The following ANKRD11 variants were observed in gnomAD, a reference collection of about 807,000 sequenced individuals.
ANKRD11 encodes the protein ankyrin repeat domain 11.
Under a neutral mutation model 195.7 loss-of-function variants are expected in ANKRD11, and 17 were observed. The ratio of observed to expected loss-of-function variants is 0.09; its 90% CI spans 0.06 to 0.13. ANKRD11 has a LOEUF of 0.13. Ranked by LOEUF, ANKRD11 falls within the 10% of genes least tolerant of loss-of-function variation. The probability of loss-of-function intolerance (pLI) is 1.00; values close to 1 mark genes in which losing one functional copy is unlikely to be tolerated. For synonymous variants in ANKRD11, 1,953 were observed against 1,528.1 expected, an observed-to-expected ratio of 1.28 and a Z score of -6.49; for missense variants, 3,735 against 3,566.1, an observed-to-expected ratio of 1.05 and a Z score of -1.21.
chr16:89,442,933 G>A (rs2043590515), intron 1 of ANKRD11, among the ~76,000 whole-genome samples: 3 of 152,184 alleles, frequency 2.0e-5, no homozygotes, highest in African/African-American at 7.2e-5. Flanking sequence ...TCTTTCATTA[G>A]ACATAAGCAA....
chr16:89,306,649 A>G (rs145380554), intron 3 of ANKRD11, among the ~76,000 whole-genome samples: 145 of 36,482 alleles, frequency 4.0e-3, no homozygotes, highest in East Asian at 0.025. Context: ...GCAGACACGC[A>G]CCACCTCCCA....
chr16:89,311,980 C>T (rs1373987409), intron 3 of ANKRD11, among the ~76,000 whole-genome samples: 1 of 152,138 alleles, frequency 6.6e-6, no homozygotes, highest in Non-Finnish European at 1.5e-5. Context: ...TCACTGCAGC[C>T]CATGCCTCCC....
intron 1 of ANKRD11, among the ~76,000 whole-genome samples, chr16:89,439,041 A>G (rs1400006893): frequency 6.6e-6 from 1 of 151,886 alleles, no homozygotes; most frequent in Non-Finnish European, 1.5e-5. Flanking sequence ...TTTCTCTTAA[A>G]AAAAACAAAA....
Position 89,284,673 on chromosome 16 carries a change from G to A in ANKRD11, c.1869C>T (p.Asp623=), listed in dbSNP as rs2080975446. The A allele has an allele frequency of 6.2e-7, 1 of 1,613,840 alleles. No homozygotes were observed. Among genetic ancestry groups the A allele is most frequent in the Admixed American group, 1.7e-5 (1 of 59,998 alleles). Residue 623 remains aspartate, a synonymous_variant, in exon 9 of 13, where the codon GAC becomes GAT. Coordinates refer to ENST00000301030, the MANE Select transcript of ANKRD11 (RefSeq NM_013275.6). ...SSAEGAVPKL[D]KEGKVVKKHK... ...GTTTTTTGACAACTTTCCCCTCCTT[G>A]TCCAGTTTGGGGACAGCGCCCTCCG...
chr16:89,314,258 C>G (rs10454069), intron 3 of ANKRD11, among the ~76,000 whole-genome samples: 7,988 of 150,622 alleles, frequency 0.053, 233 homozygotes, highest in Middle Eastern at 0.1. Flanking sequence ...TGTCTCAAAA[C>G]AAACAAACAA....
chr16:89,397,325 G>A (rs1022738525), intron 2 of ANKRD11, among the ~76,000 whole-genome samples: 2 of 152,200 alleles, frequency 1.3e-5, no homozygotes, highest in East Asian at 1.9e-4. Context: ...CCAACTCCAC[G>A]GATTCCACCG....
chr16:89,442,935 C>T (rs2043590632), intron 1 of ANKRD11, among the ~76,000 whole-genome samples: 1 of 152,202 alleles, frequency 6.6e-6, no homozygotes, highest in African/African-American at 2.4e-5. Context: ...TTTCATTAGA[C>T]ATAAGCAAGG....
intron 3 of ANKRD11, among the ~76,000 whole-genome samples, chr16:89,312,740 G>C (rs1463218577): frequency 1.3e-5 from 2 of 152,248 alleles, no homozygotes; most frequent in Non-Finnish European, 2.9e-5. Context: ...GCATGCGGGG[G>C]AGTTCTGGGC....
chr16:89,275,711 T>TGGGGGCTG (rs1281192132), intron 9 of ANKRD11, among the ~76,000 whole-genome samples: 6 of 151,826 alleles, frequency 4.0e-5, no homozygotes, highest in African/African-American at 1.5e-4. Flanking sequence ...CAGGTCCCCG[T>TGGGGGCTG]GGGGGCTGGG....
chr16:89,275,029 C>T (rs1368338148), intron 10 of ANKRD11, 64 bp downstream of exon 10: 1 of 1,612,776 alleles, frequency 6.2e-7, no homozygotes, highest in African/African-American at 1.3e-5. Flanking sequence ...CACGACAGCC[C>T]CTGGGGCCTG....
chr16:89,269,170 GTAGAGAATCTTTT>G (rs1414575141), intron 12 of ANKRD11, among the ~76,000 whole-genome samples: 1 of 152,138 alleles, frequency 6.6e-6, no homozygotes, highest in African/African-American at 2.4e-5. Context: ...AAGCAACCGT[GTAGAGAATCTTTT>G]TTAGATACCG....
At chr16:89,320,933 G>A (rs2037280610) in intron 2 of ANKRD11, among the ~76,000 whole-genome samples, 1 of 152,244 alleles carries the variant, frequency 6.6e-6, no homozygotes, top group African/African-American at 2.4e-5. Context: ...GGACAGACGT[G>A]ACAGGAACAA....
chr16:89,379,687 A>T (rs965066635), intron 2 of ANKRD11, among the ~76,000 whole-genome samples: 5 of 152,212 alleles, frequency 3.3e-5, no homozygotes. Flanking sequence ...GAGCGCCCCA[A>T]GCAGCACGGA....
intron 2 of ANKRD11, among the ~76,000 whole-genome samples, chr16:89,384,575 C>T (rs962572803): frequency 4.0e-5 from 6 of 151,146 alleles, no homozygotes; most frequent in Admixed American, 2.6e-4. Context: ...CAGGATGGGA[C>T]GGGACGGGAT....
chr16:89,419,725 C>T (rs989410181), intron 1 of ANKRD11, among the ~76,000 whole-genome samples: 5 of 152,174 alleles, frequency 3.3e-5, no homozygotes, highest in African/African-American at 9.7e-5. Context: ...CCGAGAGAAT[C>T]GCGTGTTTCC....
At position 89,279,426 on chromosome 16, in the gene ANKRD11, G is replaced by A. The variant is rs889244275; in HGVS notation, c.7116C>T (p.Arg2372=). The change falls in exon 9 of 13, where the codon CGC becomes CGT. Residue 2372 remains arginine (R), a synonymous_variant. Coordinates refer to ENST00000301030, the MANE Select transcript of ANKRD11 (RefSeq NM_013275.6). The surrounding 1 kb of genome is among the most constrained non-coding windows in gnomAD (Gnocchi z 5.6). ...TPAPVTRAKA[R]GSEDDDAQAQ... is the part of the protein sequence containing the mutation. ...CCTGGGCGTCGTCGTCCTCGGAGCC[G>A]CGGGCCTTGGCCCTGGTGACCGGGG... 4 of 1,521,798 alleles carry A rather than the reference G, an allele frequency of 2.6e-6. No individual in the cohort carries two copies. The highest frequency in any genetic ancestry group is 3.9e-5 in the Admixed American group (2 of 50,924). The allele number at this position is 1,521,798 out of a possible 1,614,324, so 94.3% of individuals were successfully genotyped here.
intron 4 of ANKRD11, among the ~76,000 whole-genome samples, chr16:89,294,600 G>A (rs567582012): frequency 3.3e-5 from 5 of 152,202 alleles, no homozygotes; most frequent in South Asian, 2.1e-4. Flanking sequence ...CCCCACCCAC[G>A]GAGCGAGACC....
At chr16:89,333,619 T>C (rs1356479608) in intron 2 of ANKRD11, among the ~76,000 whole-genome samples, 1 of 152,198 alleles carries the variant, frequency 6.6e-6, no homozygotes, top group Non-Finnish European at 1.5e-5. Flanking sequence ...CCCTACAGTG[T>C]GTAGTCCTTG....
intron 2 of ANKRD11, among the ~76,000 whole-genome samples, chr16:89,352,194 ATCT>A (rs1471799698): frequency 1.3e-5 from 2 of 152,154 alleles, no homozygotes; most frequent in African/African-American, 4.8e-5. Flanking sequence ...CTGGCCGATT[ATCT>A]TCTTTGAAAA....
Sources: gnomAD v4.1 joint callset for allele counts (sites outside exome capture counted in the v4.1 genomes callset) on GRCh38, gnomAD v4.1.1 for gene constraint, Gnocchi (gnomAD v3.1) non-coding constraint, MANE v1.5 for transcripts, NCBI Gene and HGNC (gene_info 2026-07-23, HGNC 2026-07-21) for gene names.